RYR2: variants seen among roughly 807,000 people sequenced by gnomAD.
RYR2 encodes the protein ryanodine receptor 2.
In RYR2, 227 loss-of-function variants were observed where a neutral mutation model predicts 601.1. The ratio of observed to expected loss-of-function variants is 0.38; its 90% CI spans 0.34 to 0.42. RYR2 has a LOEUF of 0.42. Among genes scored for constraint, RYR2 ranks in the 10% least tolerant of loss-of-function variants. The probability of loss-of-function intolerance (pLI) is 1.00; values close to 1 mark genes in which losing one functional copy is unlikely to be tolerated. For synonymous variants in RYR2, 2,223 were observed against 2,175.1 expected (o/e 1.02, Z -0.61); for missense variants, 4,646 against 6,156.5 (o/e 0.75, Z 8.21).
At chr1:237,433,523 GT>G (rs1707047769) in intron 12 of RYR2, among the ~76,000 whole-genome samples, 1 of 152,076 alleles carries the variant, frequency 6.6e-6, no homozygotes, top group Admixed American at 6.6e-5. Flanking sequence ...TTAAGATATT[GT>G]TTCACATTGT....
chr1:237,654,853 C>T (rs1439471567), intron 52 of RYR2, among the ~76,000 whole-genome samples: 3 of 152,166 alleles, frequency 2.0e-5, no homozygotes, highest in Non-Finnish European at 2.9e-5. Context: ...ATTTAGATAC[C>T]GTCGCTCAAT....
At chr1:237,726,155 C>T in intron 74 of RYR2, 118 bp from the exon 75 acceptor site, 1 of 746,652 alleles carries the variant, frequency 1.3e-6, no homozygotes, top group African/African-American at 1.8e-5. Context: ...CCACCGCAGT[C>T]CAAACATTTT....
At chr1:237,587,946 A>T (rs1410039478) in intron 29 of RYR2, among the ~76,000 whole-genome samples, 1 of 152,182 alleles carries the variant, frequency 6.6e-6, no homozygotes, top group African/African-American at 2.4e-5. Context: ...TTTATGTTAA[A>T]TGGGTGCTAG....
chr1:237,456,453 C>A (rs1160195777), intron 15 of RYR2, 147 bp from the exon 16 acceptor site: 1 of 804,178 alleles, frequency 1.2e-6, no homozygotes, highest in Non-Finnish European at 1.8e-6. Flanking sequence ...TCTTCCTGTC[C>A]TTTGAATGAT....
intron 56 of RYR2, among the ~76,000 whole-genome samples, chr1:237,666,009 C>T (rs1430878858): frequency 6.6e-6 from 1 of 152,096 alleles, no homozygotes; most frequent in Non-Finnish European, 1.5e-5. Context: ...AGCTTTAATT[C>T]AGAAATTAAA....
At chr1:237,383,591 G>A (rs1015907975) in intron 8 of RYR2, among the ~76,000 whole-genome samples, 16 of 151,436 alleles carry the variant, frequency 1.1e-4, no homozygotes, top group African/African-American at 3.9e-4. Flanking sequence ...CACCACACCC[G>A]GATAATTTTT....
chr1:237,572,334 A>G (rs958613208), intron 29 of RYR2, among the ~76,000 whole-genome samples: 7 of 152,140 alleles, frequency 4.6e-5, no homozygotes, highest in Admixed American at 4.6e-4. Context: ...AAAAATTTAA[A>G]TGCATGTGTG....
At chr1:237,448,141 G>A (rs1334240863) in intron 14 of RYR2, among the ~76,000 whole-genome samples, 1 of 151,978 alleles carries the variant, frequency 6.6e-6, no homozygotes, top group African/African-American at 2.4e-5. Flanking sequence ...TGCCCAGGCT[G>A]GTCTCGAACA....
intron 1 of RYR2, among the ~76,000 whole-genome samples, chr1:237,082,976 C>G (rs1665905073): frequency 6.6e-6 from 1 of 152,150 alleles, no homozygotes; most frequent in Non-Finnish European, 1.5e-5. Flanking sequence ...GATTTACTTT[C>G]TGTAAGCCCT....
chr1:237,687,400 TTTCTACC>T, intron 62 of RYR2, 48 bp from the exon 63 acceptor site: 1 of 923,770 alleles, frequency 1.1e-6, no homozygotes, highest in South Asian at 1.5e-5. Flanking sequence ...CCCCCTGTCT[TTTCTACC>T]TTCCCTTCCC....
At chr1:237,612,905 C>G (rs1285998505) in intron 36 of RYR2, among the ~76,000 whole-genome samples, 1 of 152,124 alleles carries the variant, frequency 6.6e-6, no homozygotes, top group Non-Finnish European at 1.5e-5. Context: ...AGGCAGTTTT[C>G]CAAATGATAT....
intron 35 of RYR2, among the ~76,000 whole-genome samples, chr1:237,609,356 T>G (rs1426699647): frequency 2.7e-5 from 1 of 36,988 alleles, no homozygotes; most frequent in Non-Finnish European, 5.2e-5. Context: ...CCCTCCCCCC[T>G]TCTCCCCTTC....
chr1:237,308,486 G>A (rs963210894), intron 2 of RYR2, among the ~76,000 whole-genome samples: 3 of 152,196 alleles, frequency 2.0e-5, no homozygotes, highest in African/African-American at 7.2e-5. Flanking sequence ...CTGGATTTGT[G>A]TCTGGAATTG....
intron 100 of RYR2, among the ~76,000 whole-genome samples, chr1:237,811,826 C>G (rs2149455682): frequency 6.6e-6 from 1 of 152,254 alleles, no homozygotes; most frequent in South Asian, 2.1e-4. Flanking sequence ...TGAGGTGTTT[C>G]ACATGTGACT....
At chr1:237,330,372 T>A (rs775125367) in intron 2 of RYR2, among the ~76,000 whole-genome samples, 1 of 152,178 alleles carries the variant, frequency 6.6e-6, no homozygotes, top group Non-Finnish European at 1.5e-5. Context: ...TGGCAGCTGT[T>A]GTTATCTGTG....
intron 10 of RYR2, among the ~76,000 whole-genome samples, chr1:237,397,964 A>C (rs1032191837): frequency 6.6e-6 from 1 of 151,612 alleles, no homozygotes; most frequent in African/African-American, 2.4e-5. Flanking sequence ...CTCGTGATCC[A>C]CCCGCCTCGG....
intron 83 of RYR2, 87 bp from the exon 84 acceptor site, chr1:237,760,861 TTCCAAGA>T: frequency 1.3e-6 from 1 of 770,218 alleles, no homozygotes; most frequent in South Asian, 1.7e-5. Context: ...TTGCTTCATC[TTCCAAGA>T]TATATGGTGT....
intron 2 of RYR2, among the ~76,000 whole-genome samples, chr1:237,318,945 C>T (rs976187056): frequency 6.6e-5 from 10 of 152,056 alleles, no homozygotes; most frequent in Admixed American, 1.3e-4. Context: ...TCCCATTACA[C>T]GTATATTGAT....
At chr1:237,344,043 G>A (rs1433631287) in intron 3 of RYR2, among the ~76,000 whole-genome samples, 2 of 151,870 alleles carry the variant, frequency 1.3e-5, no homozygotes. Flanking sequence ...GGCTGGTCTC[G>A]AACTCCTTAC....
Sources: gnomAD v4.1 joint callset for allele counts (sites outside exome capture counted in the v4.1 genomes callset) on GRCh38, gnomAD v4.1.1 for gene constraint, MANE v1.5 for transcripts, NCBI Gene and HGNC (gene_info 2026-07-23, HGNC 2026-07-21) for gene names.